The following NGLY1 variants were observed in gnomAD, a reference collection of about 807,000 sequenced individuals.
NGLY1 encodes the protein peptide-N(4)-(N-acetyl-beta-glucosaminyl)asparagine amidase.
In NGLY1, 68 loss-of-function variants were observed where a neutral mutation model predicts 84.6. That is an observed-to-expected ratio of 0.80 (90% CI 0.66 to 0.98). NGLY1 has a LOEUF of 0.98. Among genes scored for constraint, NGLY1 ranks in the 50% least tolerant of loss-of-function variants. NGLY1 has a pLI of 0.00. For synonymous variants in NGLY1, 280 were observed against 275.2 expected (o/e 1.02, Z -0.17); for missense variants, 779 against 770.2 (o/e 1.01, Z -0.14).
At chr3:25,726,419 C>T (rs1705264347) in intron 10 of NGLY1, among the ~76,000 whole-genome samples, 1 of 152,074 alleles carries the variant, frequency 6.6e-6, no homozygotes, top group African/African-American at 2.4e-5. Context: ...TTGTTGAATA[C>T]ATGTCATGAA....
chr3:25,770,384 G>A (rs988042752), intron 2 of NGLY1, among the ~76,000 whole-genome samples: 1 of 152,024 alleles, frequency 6.6e-6, no homozygotes, highest in African/African-American at 2.4e-5. Flanking sequence ...CCTGACCTCG[G>A]GTGATCCACC....
chr3:25,726,198 A>C lies in NGLY1; in HGVS notation c.1611+2935T>G, dbSNP rs185947789. 6.9e-4 allele frequency among the ~76,000 whole-genome samples: 105 copies of C among 152,298 alleles called. 1 individual carries two copies. Among genetic ancestry groups the C allele is most frequent in the Non-Finnish European group, 1.2e-3 (81 of 68,028 alleles). ...GTGAGGTTCTTACAGTGCTCTACAT[A>C]GCCCTAGGGTGATGCAGAATTTATG... On this transcript the variant is annotated intron_variant, in intron 10 of 11. Transcript: ENST00000280700.
intron 3 of NGLY1, 128 bp from the exon 4 acceptor site, chr3:25,751,391 A>C: frequency 1.4e-6 from 1 of 730,536 alleles, no homozygotes; most frequent in Non-Finnish European, 2.0e-6. Context: ...TAAATATAAT[A>C]ATTATACCCA....
At chr3:25,755,448 T>A in intron 3 of NGLY1, 1 of 1,465,542 alleles carries the variant, frequency 6.8e-7, no homozygotes, top group Non-Finnish European at 9.6e-7. Context: ...TCAACTCCAA[T>A]GTCAGTGACA....
At chr3:25,751,873 C>A (rs1363113201) in intron 3 of NGLY1, among the ~76,000 whole-genome samples, 1 of 152,190 alleles carries the variant, frequency 6.6e-6, no homozygotes, top group Non-Finnish European at 1.5e-5. Flanking sequence ...ACCTCATCAA[C>A]AAAGAGGTCT....
chr3:25,788,083 A>G (rs1280631874), upstream of NGLY1, among the ~76,000 whole-genome samples: 10 of 152,162 alleles, frequency 6.6e-5, no homozygotes, highest in Admixed American at 5.9e-4. Flanking sequence ...ACTTGTTTCT[A>G]TGGGTGTCTC....
intron 4 of NGLY1, among the ~76,000 whole-genome samples, chr3:25,745,949 G>A (rs550628999): frequency 1.3e-5 from 2 of 152,142 alleles, no homozygotes; most frequent in Non-Finnish European, 2.9e-5. Context: ...TTAGTCTTTC[G>A]GCCAAGACGT....
At chr3:25,786,832 A>T (rs1299436327), upstream of NGLY1, among the ~76,000 whole-genome samples, 1 of 152,258 alleles carries the variant, frequency 6.6e-6, no homozygotes, top group Non-Finnish European at 1.5e-5. Context: ...TCATTTGGTG[A>T]GAAATGCACA....
chr3:25,735,739 T>TAGA, intron 7 of NGLY1: 2 of 299,042 alleles, frequency 6.7e-6, no homozygotes, highest in South Asian at 5.9e-5. Context: ...TGCCTGAGTG[T>TAGA]TCATGGCAGC....
At chr3:25,769,269 G>A (rs1707777671) in intron 2 of NGLY1, among the ~76,000 whole-genome samples, 1 of 152,160 alleles carries the variant, frequency 6.6e-6, no homozygotes, top group African/African-American at 2.4e-5. Context: ...GTTGAGGCAG[G>A]AGAATCACTT....
intron 4 of NGLY1, among the ~76,000 whole-genome samples, chr3:25,744,501 G>C (rs922051891): frequency 2.6e-5 from 4 of 152,188 alleles, no homozygotes; most frequent in Admixed American, 2.6e-4. Context: ...ACTAATGAAA[G>C]AAAATCACCA....
chr3:25,780,002 A>C (rs996723279), intron 1 of NGLY1, among the ~76,000 whole-genome samples: 1 of 152,248 alleles, frequency 6.6e-6, no homozygotes, highest in Non-Finnish European at 1.5e-5. Flanking sequence ...AGAAGTAGAG[A>C]AATTGAATGT....
At chr3:25,779,177 T>C (rs1039006723) in intron 1 of NGLY1, among the ~76,000 whole-genome samples, 7 of 152,028 alleles carry the variant, frequency 4.6e-5, no homozygotes, top group East Asian at 3.9e-4. Context: ...CCTCAGGTGA[T>C]CCACCCGCCT....
chr3:25,756,759 T>C (rs756892234), intron 3 of NGLY1, among the ~76,000 whole-genome samples: 9 of 152,292 alleles, frequency 5.9e-5, no homozygotes, highest in Admixed American at 2.6e-4. Context: ...TAAGATGGGA[T>C]CAAACCTGAA....
intron 4 of NGLY1, among the ~76,000 whole-genome samples, chr3:25,740,065 C>T (rs1347059666): frequency 1.3e-5 from 2 of 152,274 alleles, no homozygotes; most frequent in East Asian, 3.9e-4. Context: ...GTGAGCTGAA[C>T]ACAATGACCT....
intron 3 of NGLY1, among the ~76,000 whole-genome samples, chr3:25,761,703 A>C (rs1037990713): frequency 1.3e-5 from 2 of 152,210 alleles, no homozygotes; most frequent in Admixed American, 6.5e-5. Context: ...TTCCACTCCT[A>C]GGAATCTACT....
chr3:25,789,091 T>C (rs1046083351), intron 1 of NGLY1, among the ~76,000 whole-genome samples: 5 of 152,234 alleles, frequency 3.3e-5, no homozygotes, highest in African/African-American at 1.2e-4. Flanking sequence ...ACGCCTGGGA[T>C]AGCATGTGAA....
chr3:25,782,687 T>C (rs1408719262), intron 1 of NGLY1: 1 of 152,354 alleles, frequency 6.6e-6, no homozygotes, highest in Non-Finnish European at 1.5e-5. Context: ...TACTATAATG[T>C]TTCAATCAAC....
At chr3:25,750,580 T>C (rs1706682255) in intron 4 of NGLY1, among the ~76,000 whole-genome samples, 2 of 152,124 alleles carry the variant, frequency 1.3e-5, no homozygotes, top group South Asian at 2.1e-4. Flanking sequence ...ATTATGACTA[T>C]ATTTAATAAC....
Sources: gnomAD v4.1 joint callset for allele counts (sites outside exome capture counted in the v4.1 genomes callset) on GRCh38, gnomAD v4.1.1 for gene constraint, MANE v1.5 for transcripts, NCBI Gene and HGNC (gene_info 2026-07-23, HGNC 2026-07-21) for gene names.